The following JAZF1 variants were observed in gnomAD, a reference collection of about 807,000 sequenced individuals.
JAZF1 encodes JAZF zinc finger 1, also known as juxtaposed with another zinc finger protein 1.
In JAZF1, 8 loss-of-function variants were observed where a neutral mutation model predicts 26.4. The ratio of observed to expected loss-of-function variants is 0.30; its 90% CI spans 0.18 to 0.55. The LOEUF (loss-of-function observed/expected upper bound fraction) is 0.55. Ranked by LOEUF, JAZF1 falls within the 20% of genes least tolerant of loss-of-function variation. The pLI, the probability that JAZF1 is intolerant of heterozygous loss-of-function variation, is 0.94. For missense variants in JAZF1, 199 were observed against 322.0 expected, an observed-to-expected ratio of 0.62 and a Z score of 2.92; for synonymous variants, 126 against 122.3, an observed-to-expected ratio of 1.03 and a Z score of -0.20.
intron 3 of JAZF1, chr7:27,842,195 T>C (rs954960236): frequency 6.6e-6 from 1 of 152,224 alleles, no homozygotes; most frequent in Non-Finnish European, 1.5e-5. Context: ...TCAGTGCCTA[T>C]GATGTTTCAG....
At chr7:27,980,427 G>A (rs998714458) in intron 2 of JAZF1, among the ~76,000 whole-genome samples, 11 of 152,182 alleles carry the variant, frequency 7.2e-5, no homozygotes, top group African/African-American at 2.4e-4. Flanking sequence ...TTATGTTCAA[G>A]AGTGTAGAGT....
In JAZF1 at chr7:28,116,467, C is replaced by G. The variant is rs141084430; in HGVS notation, c.115+63996G>C. ...TTTCTCTCTCTCTCTTTTTTTCAGA[C>G]AGAGTCTCGCCCTGTCACCCAGGCT... On this transcript the variant is annotated intron_variant, in intron 1 of 4. Coordinates refer to ENST00000283928, the MANE Select transcript of JAZF1 (RefSeq NM_175061.4). Among the ~76,000 whole-genome samples, 454 of 152,140 alleles carry G rather than the reference C, an allele frequency of 3.0e-3. 2 individuals are homozygous for G. Among genetic ancestry groups the G allele is most frequent in the African/African-American group, 0.01 (428 of 41,548 alleles).
At chr7:28,108,019 G>A (rs1489705028) in intron 1 of JAZF1, among the ~76,000 whole-genome samples, 4 of 152,146 alleles carry the variant, frequency 2.6e-5, no homozygotes, top group Admixed American at 2.0e-4. Context: ...AGGTCCCAGA[G>A]GCCCACTGAT....
intron 2 of JAZF1, among the ~76,000 whole-genome samples, chr7:27,951,567 T>C (rs1290704335): frequency 6.6e-6 from 1 of 152,220 alleles, no homozygotes. Flanking sequence ...TGTCCAGTTT[T>C]GTAAAATGAA....
At chr7:28,121,719 G>A (rs1288135251) in intron 1 of JAZF1, among the ~76,000 whole-genome samples, 1 of 152,152 alleles carries the variant, frequency 6.6e-6, no homozygotes, top group African/African-American at 2.4e-5. Flanking sequence ...ATTTCTCTGT[G>A]GGGCCTAGAA....
At chr7:27,997,340 A>T (rs1342247820) in intron 1 of JAZF1, among the ~76,000 whole-genome samples, 3 of 152,164 alleles carry the variant, frequency 2.0e-5, no homozygotes, top group African/African-American at 7.2e-5. Context: ...AGGGCTGAGA[A>T]AATAGGGGAG....
chr7:28,094,244 C>T (rs1196260493), intron 1 of JAZF1, among the ~76,000 whole-genome samples: 1 of 152,158 alleles, frequency 6.6e-6, no homozygotes, highest in African/African-American at 2.4e-5. Flanking sequence ...AAAAGTAAAT[C>T]GTTGTCTGCC....
In JAZF1 at chr7:28,173,919, T is replaced by C. The variant is rs372191023; in HGVS notation, c.115+6544A>G. Reference sequence around the variant, plus strand: ...AAAAAAAAAAAAAGTAGGTGAAAACTACTGCAACATTCCAGTGCTTACAGC... The same window carrying C: ...AAAAAAAAAAAAAGTAGGTGAAAACCACTGCAACATTCCAGTGCTTACAGC... On this transcript the variant is annotated intron_variant, in intron 1 of 4. Coordinates refer to ENST00000283928, the MANE Select transcript of JAZF1 (RefSeq NM_175061.4). Among the ~76,000 whole-genome samples, 19 of 140,990 alleles carry C rather than the reference T, an allele frequency of 1.3e-4. No individual in the cohort carries two copies. The East Asian group carries it at 3.3e-3, about 25-fold the overall frequency. 92.5% of individuals were successfully genotyped at this position (140,990 alleles called of 152,430 possible).
intron 4 of JAZF1, among the ~76,000 whole-genome samples, chr7:27,838,955 G>A (rs751215263): frequency 2.0e-5 from 3 of 152,298 alleles, no homozygotes; most frequent in Non-Finnish European, 4.4e-5. Context: ...GTGGCCTTGG[G>A]TGGAGAGAGA....
At chr7:28,110,376 A>C (rs1419315307) in intron 1 of JAZF1, among the ~76,000 whole-genome samples, 1 of 151,148 alleles carries the variant, frequency 6.6e-6, no homozygotes, top group Non-Finnish European at 1.5e-5. Context: ...TAGTGAGCCG[A>C]GATCACGCCA....
intron 1 of JAZF1, among the ~76,000 whole-genome samples, chr7:28,024,322 G>A (rs754737703): frequency 6.5e-4 from 99 of 151,716 alleles, no homozygotes; most frequent in Non-Finnish European, 5.7e-4. Context: ...GAGAGAGAGA[G>A]ATGTTTAAGA....
In JAZF1 at chr7:27,862,676, T is replaced by C. The variant is rs75617401; in HGVS notation, c.386-21809A>G. ...TTTCAGCTTAAGTTCCAGCTTTTTC[T>C]AGTCTGCTAAGTCAGTGACCTCTTT... On this transcript the variant is annotated intron_variant, in intron 3 of 4. Coordinates refer to ENST00000283928, the MANE Select transcript of JAZF1 (RefSeq NM_175061.4). Among the ~76,000 whole-genome samples, 1,111 of 152,318 alleles carry C rather than the reference T, an allele frequency of 7.3e-3. 10 individuals are homozygous for C. The highest frequency in any genetic ancestry group is 0.022 in the African/African-American group (911 of 41,574).
intron 4 of JAZF1, among the ~76,000 whole-genome samples, chr7:27,838,008 CTTT>C (rs34890301): frequency 7.0e-6 from 1 of 143,590 alleles, no homozygotes; most frequent in South Asian, 2.2e-4. Flanking sequence ...CTTTGTCTGC[CTTT>C]TTTTTTTTTT....
At chr7:27,913,418 G>C (rs527527356) in intron 2 of JAZF1, 7 of 456,382 alleles carry the variant, frequency 1.5e-5, no homozygotes, top group South Asian at 9.5e-5. Context: ...ACAGCGAGAA[G>C]GGAGGTCTTC....
At chr7:28,016,206 G>T (rs969398526) in intron 1 of JAZF1, among the ~76,000 whole-genome samples, 2 of 152,200 alleles carry the variant, frequency 1.3e-5, no homozygotes, top group African/African-American at 4.8e-5. Context: ...CGCCCCAGTG[G>T]CTTCTGATGG....
intron 1 of JAZF1, among the ~76,000 whole-genome samples, chr7:28,048,646 TATG>T (rs2128379180): frequency 6.6e-6 from 1 of 152,340 alleles, no homozygotes; most frequent in East Asian, 1.9e-4. Context: ...TCATTTTCAT[TATG>T]ATTTCTTCTT....
intron 1 of JAZF1, among the ~76,000 whole-genome samples, chr7:28,101,224 A>C (rs75577311): frequency 0.018 from 2,736 of 152,308 alleles, 82 homozygotes; most frequent in African/African-American, 0.062. Flanking sequence ...CTGTGACTTC[A>C]AACACAATCA....
chr7:28,006,682 A>T (rs1455004803), intron 1 of JAZF1, among the ~76,000 whole-genome samples: 1 of 152,182 alleles, frequency 6.6e-6, no homozygotes, highest in African/African-American at 2.4e-5. Flanking sequence ...GGCCCAAATC[A>T]CAGGACCAGG....
chr7:28,035,876 A>G, intron 1 of JAZF1, among the ~76,000 whole-genome samples: 1 of 152,256 alleles, frequency 6.6e-6, no homozygotes, highest in Non-Finnish European at 1.5e-5. Flanking sequence ...ATAGACATGT[A>G]TGACAATAAA....
Sources: allele counts gnomAD v4.1 joint callset (sites outside exome capture counted in the v4.1 genomes callset), GRCh38; gene constraint gnomAD v4.1.1; transcripts MANE v1.5; gene names NCBI Gene and HGNC (gene_info 2026-07-23, HGNC 2026-07-21).